LRTM3: variants seen among roughly 807,000 people sequenced by gnomAD.
The protein encoded by LRTM3 is leucine-rich repeat transmembrane protein 3.
chr13:102,745,657 G>A, the LRTM3 span: 2 of 1,550,940 alleles, frequency 1.3e-6, no homozygotes, highest in Middle Eastern at 1.7e-4. Context: ...AAGCAGGCAT[G>A]CAGGAACCAA....
At chr13:102,740,166 T>C in the LRTM3 span, 2 of 1,547,866 alleles carry the variant, frequency 1.3e-6, no homozygotes, top group South Asian at 2.4e-5. Context: ...TTGGGTGAGC[T>C]ATTATTTGAT....
the LRTM3 span, chr13:102,740,003 C>T: frequency 6.5e-7 from 1 of 1,550,272 alleles, no homozygotes; most frequent in Admixed American, 2.0e-5. Context: ...CACGCCTTTC[C>T]TAATAACTTG....
chr13:102,738,074 C>A, the LRTM3 span: 27 of 1,550,932 alleles, frequency 1.7e-5, no homozygotes, highest in Non-Finnish European at 2.0e-5. Context: ...CTCACCTTCT[C>A]TGTCCTCTTT....
At chr13:102,741,584 G>A in the LRTM3 span, 3 of 1,550,294 alleles carry the variant, frequency 1.9e-6, no homozygotes, top group African/African-American at 4.1e-5. Context: ...TTCCATAATG[G>A]GGCAGGCCAT....
the LRTM3 span, chr13:102,734,189 T>C: frequency 1.7e-5 from 27 of 1,551,330 alleles, no homozygotes; most frequent in East Asian, 6.4e-4. Flanking sequence ...GAACCTCATA[T>C]CTATCGTTTT....
chr13:102,731,400 G>A, the LRTM3 span: 1 of 1,551,380 alleles, frequency 6.4e-7, no homozygotes, highest in Non-Finnish European at 8.7e-7. Context: ...GCCATCTCTG[G>A]TATCAGATTC....
chr13:102,748,999 C>A, the LRTM3 span: 1 of 1,550,810 alleles, frequency 6.4e-7, no homozygotes, highest in Non-Finnish European at 8.7e-7. Context: ...TTAAACCCGG[C>A]ATGACTTTCA....
chr13:102,749,732 A>T, the LRTM3 span: 1 of 1,551,392 alleles, frequency 6.4e-7, no homozygotes, highest in East Asian at 2.4e-5. Context: ...GTTATGATTT[A>T]TATATTGGGC....
chr13:102,731,549 G>T, the LRTM3 span: 8 of 1,551,296 alleles, frequency 5.2e-6, no homozygotes, highest in Admixed American at 1.4e-4. Context: ...CTCTGGAAAA[G>T]GTGGTGACTT....
the LRTM3 span, chr13:102,748,708 C>T: frequency 6.5e-7 from 1 of 1,549,578 alleles, no homozygotes; most frequent in African/African-American, 1.4e-5. Context: ...TACCAATTCC[C>T]TTTGCTTGTG....
chr13:102,755,476 AG>A, the LRTM3 span, among the ~76,000 whole-genome samples: 1 of 152,220 alleles, frequency 6.6e-6, no homozygotes, highest in Non-Finnish European at 1.5e-5. Flanking sequence ...AACCATAAAA[AG>A]AATGAGATCA....
At chr13:102,741,363 G>A in the LRTM3 span, 1 of 1,549,438 alleles carries the variant, frequency 6.5e-7, no homozygotes, top group East Asian at 2.4e-5. Flanking sequence ...ATACTTTCGG[G>A]AACATGATCT....
chr13:102,737,952 C>T, the LRTM3 span: 8 of 1,551,084 alleles, frequency 5.2e-6, no homozygotes, highest in Admixed American at 2.0e-5. Flanking sequence ...TCTATGCCTA[C>T]TCCATCTGCT....
the LRTM3 span, chr13:102,743,440 T>A: frequency 6.4e-7 from 1 of 1,550,414 alleles, no homozygotes; most frequent in Admixed American, 2.0e-5. Flanking sequence ...TGGATTCAAG[T>A]TTCTTCCTAT....
At chr13:102,746,433 A>G in the LRTM3 span, 1 of 1,551,174 alleles carries the variant, frequency 6.4e-7, no homozygotes, top group South Asian at 1.2e-5. Flanking sequence ...TCTCTCTGCA[A>G]TCTGCTATGC....
chr13:102,741,742 C>T, the LRTM3 span: 1 of 1,550,430 alleles, frequency 6.4e-7, no homozygotes, highest in Non-Finnish European at 8.7e-7. Context: ...ATCCTTCTCT[C>T]TCCCACGGAA....
chr13:102,739,859 T>G, the LRTM3 span: 2 of 1,550,018 alleles, frequency 1.3e-6, no homozygotes. Flanking sequence ...CATTCTATGT[T>G]TCACATTGAC....
the LRTM3 span, chr13:102,734,516 C>T: frequency 1.5e-4 from 235 of 1,551,296 alleles, no homozygotes; most frequent in South Asian, 2.3e-3. Context: ...GTGGAGCATA[C>T]AGGAACGAGG....
At chr13:102,755,940 T>TATAC in the LRTM3 span, among the ~76,000 whole-genome samples, 4 of 68,608 alleles carry the variant, frequency 5.8e-5, no homozygotes, top group East Asian at 7.2e-4. Context: ...TGTATATATA[T>TATAC]ACATATATAT....
Sources: gnomAD v4.1 joint callset for allele counts (sites outside exome capture counted in the v4.1 genomes callset) on GRCh38, gnomAD v4.1.1 for gene constraint, MANE v1.5 for transcripts, NCBI Gene and HGNC (gene_info 2026-07-23, HGNC 2026-07-21) for gene names.